The following MCPH1 variants were observed in gnomAD, a reference collection of about 807,000 sequenced individuals.
The protein encoded by MCPH1 is microcephalin 1.
In MCPH1, 104 loss-of-function variants were observed where a neutral mutation model predicts 84.5. That is an observed-to-expected ratio of 1.23 (90% CI 1.05 to 1.45). The LOEUF is 1.45. Among genes scored for constraint, MCPH1 ranks in the 40% most tolerant of loss-of-function variants. The pLI is 0.00. For missense variants in MCPH1, 1,498 were observed against 1,005.7 expected (o/e 1.49, Z -6.62); for synonymous variants, 514 against 366.8 (o/e 1.40, Z -4.58).
chr8:6,621,714 G>T, intron 13 of MCPH1, 23 bp downstream of exon 13: 1 of 1,613,854 alleles, frequency 6.2e-7, no homozygotes, highest in Non-Finnish European at 8.5e-7. Context: ...GCACACAGAC[G>T]CTGTGGTGTG....
intron 12 of MCPH1, among the ~76,000 whole-genome samples, chr8:6,594,281 C>G (rs773708600): frequency 1.3e-5 from 2 of 152,168 alleles, no homozygotes; most frequent in Admixed American, 1.3e-4. Flanking sequence ...TTCAGCAGAG[C>G]GCCATGAGCC....
chr8:6,581,059 G>C (rs1387207553), intron 12 of MCPH1, among the ~76,000 whole-genome samples: 2 of 152,140 alleles, frequency 1.3e-5, no homozygotes, highest in Non-Finnish European at 2.9e-5. Context: ...GTAATCTAGG[G>C]ATGATTTAAA....
intron 12 of MCPH1, among the ~76,000 whole-genome samples, chr8:6,582,555 A>AT (rs1395837020): frequency 2.6e-5 from 4 of 151,978 alleles, no homozygotes; most frequent in Non-Finnish European, 4.4e-5. Context: ...TTTTAATGCT[A>AT]TTTTTTGTTT....
At chr8:6,515,588 TC>T (rs1297008941) in intron 12 of MCPH1, among the ~76,000 whole-genome samples, 2 of 152,198 alleles carry the variant, frequency 1.3e-5, no homozygotes, top group Non-Finnish European at 2.9e-5. Context: ...CAATTTCAAC[TC>T]AGCTGGAGTT....
At position 6,627,133 on chromosome 8, in the gene MCPH1, C is replaced by A. The variant is rs1400822635; in HGVS notation, c.2452+5442C>A. 22 of 985,196 alleles carry A rather than the reference C, an allele frequency of 2.2e-5. No individual in the cohort carries two copies. In the Admixed American group the frequency reaches 1.3e-3, roughly 58 times the overall value. The allele number at this position is 985,196 out of a possible 1,614,324, so 61.0% of individuals were successfully genotyped here. ...GCTGGCCTGGCTCATTCATCGTTTC[C>A]CCTAATGACTGACTGACCAGAAAAA... On this transcript the variant is annotated intron_variant, in intron 13 of 13. Transcript: ENST00000344683.
intron 9 of MCPH1, among the ~76,000 whole-genome samples, chr8:6,467,886 C>G (rs1807183971): frequency 6.6e-6 from 1 of 152,212 alleles, no homozygotes; most frequent in African/African-American, 2.4e-5. Flanking sequence ...GCATGAACCA[C>G]CATGCCTGGC....
intron 12 of MCPH1, among the ~76,000 whole-genome samples, chr8:6,605,816 G>C (rs574484070): frequency 6.6e-6 from 1 of 152,144 alleles, no homozygotes; most frequent in East Asian, 1.9e-4. Flanking sequence ...TCGTGCCTCA[G>C]ACTCCCAAGT....
At chr8:6,451,156 C>A (rs1420666662) in intron 8 of MCPH1, among the ~76,000 whole-genome samples, 3 of 152,172 alleles carry the variant, frequency 2.0e-5, no homozygotes, top group South Asian at 2.1e-4. Flanking sequence ...GTATTAAGAA[C>A]CCCCTTTCCC....
intron 13 of MCPH1, among the ~76,000 whole-genome samples, chr8:6,638,651 T>A (rs1278118684): frequency 1.3e-5 from 2 of 152,078 alleles, no homozygotes; most frequent in Non-Finnish European, 2.9e-5. Flanking sequence ...AGCTTCCTAT[T>A]CATCTCTGTC....
chr8:6,416,792 G>A (rs575443158), intron 3 of MCPH1, among the ~76,000 whole-genome samples: 124 of 150,902 alleles, frequency 8.2e-4, no homozygotes, highest in Non-Finnish European at 1.4e-3. Flanking sequence ...TTAGGAGTTT[G>A]AGACCAGCCT....
At chr8:6,406,974 C>A (rs1362952817) in intron 1 of MCPH1, 12 of 496,870 alleles carry the variant, frequency 2.4e-5, no homozygotes, top group Non-Finnish European at 3.6e-5. Context: ...TGCTTCCTCC[C>A]CCGTACTGCT....
chr8:6,566,243 C>G (rs1045533556), intron 12 of MCPH1, among the ~76,000 whole-genome samples: 10 of 152,338 alleles, frequency 6.6e-5, no homozygotes, highest in African/African-American at 2.2e-4. Flanking sequence ...GAAACCGGGC[C>G]TGGACTGTAG....
chr8:6,475,484 C>CG, intron 9 of MCPH1, among the ~76,000 whole-genome samples: 1 of 152,298 alleles, frequency 6.6e-6, no homozygotes, highest in South Asian at 2.1e-4. Flanking sequence ...CCCAGCATCC[C>CG]GGGGAAAACC....
chr8:6,513,746 G>A (rs1815674507), intron 12 of MCPH1: 5 of 1,613,870 alleles, frequency 3.1e-6, no homozygotes, highest in Non-Finnish European at 4.2e-6. Context: ...TCCCTTCCCA[G>A]TCTTTAAGGT....
rs532314568 is a variant in MCPH1 at position 6,446,460 on chromosome 8, C to T, written c.1825+913C>T. Reference sequence around the variant, plus strand: ...GTTACATACCTTTTCCTTGAGTATACGCTCCCCAAAATTGTTTCACAAAAA... The same window carrying T: ...GTTACATACCTTTTCCTTGAGTATATGCTCCCCAAAATTGTTTCACAAAAA... On this transcript the variant is annotated intron_variant, in intron 8 of 13. Coordinates refer to ENST00000344683, the MANE Select transcript of MCPH1 (RefSeq NM_024596.5). The T allele has an allele frequency of 1.2e-3, 1,182 of 985,096 alleles. 1 individual carries two copies. Among genetic ancestry groups the T allele is most frequent in the Non-Finnish European group, 1.4e-3 (1,134 of 829,716 alleles). 61.0% of individuals were successfully genotyped at this position (985,096 alleles called of 1,614,324 possible).
intron 10 of MCPH1, among the ~76,000 whole-genome samples, chr8:6,477,987 G>A (rs1334091641): frequency 6.6e-6 from 1 of 152,176 alleles, no homozygotes; most frequent in East Asian, 1.9e-4. Flanking sequence ...GCTTTCCACA[G>A]CAGTGTTAAA....
chr8:6,457,833 C>G (rs879711444), intron 9 of MCPH1, among the ~76,000 whole-genome samples: 2 of 151,868 alleles, frequency 1.3e-5, no homozygotes, highest in African/African-American at 4.9e-5. Flanking sequence ...TTAGTGTTCA[C>G]CGCACAGCCT....
chr8:6,621,211 C>CTTTTTTTTTTTTTTTTT, intron 12 of MCPH1: 1 of 502,864 alleles, frequency 2.0e-6, no homozygotes, highest in Non-Finnish European at 3.5e-6. Context: ...AAGGCCTACA[C>CTTTTTTTTTTTTTTTTT]TTTTTTTTTT....
chr8:6,532,523 C>T lies in MCPH1; in HGVS notation c.2214+32594C>T, dbSNP rs1363743344. On this transcript the variant is annotated intron_variant, in intron 12 of 13. Coordinates refer to ENST00000344683, the MANE Select transcript of MCPH1 (RefSeq NM_024596.5). ...ACAGTGTTAGAAGGCAGTCATTAGT[C>T]AAATGACCGGAAACCTGATTCCTAA... 6 of 1,511,424 alleles carry T rather than the reference C, an allele frequency of 4.0e-6. No individual in the cohort carries two copies. The East Asian group carries it at 1.2e-4, about 31-fold the overall frequency. 93.6% of individuals were successfully genotyped at this position (1,511,424 alleles called of 1,614,324 possible).
Sources: allele counts gnomAD v4.1 joint callset (sites outside exome capture counted in the v4.1 genomes callset), GRCh38; gene constraint gnomAD v4.1.1; transcripts MANE v1.5; gene names NCBI Gene and HGNC (gene_info 2026-07-23, HGNC 2026-07-21).